FOXK1: variants seen among roughly 807,000 people sequenced by gnomAD.
FOXK1 encodes the protein forkhead box protein K1.
A neutral mutation model predicts 51.9 loss-of-function variants in FOXK1; 19 were observed. That is an observed-to-expected ratio of 0.37 (90% CI 0.26 to 0.54). FOXK1 has a LOEUF of 0.54. Ranked by LOEUF, FOXK1 falls within the 20% of genes least tolerant of loss-of-function variation. The probability of loss-of-function intolerance (pLI) is 0.87; values close to 1 mark genes in which losing one functional copy is unlikely to be tolerated. For synonymous variants in FOXK1, 537 were observed against 482.6 expected, an observed-to-expected ratio of 1.11 and a Z score of -1.48; for missense variants, 870 against 1,032.7, an observed-to-expected ratio of 0.84 and a Z score of 2.16.
intron 1 of FOXK1, among the ~76,000 whole-genome samples, chr7:4,714,974 G>A (rs754766611): frequency 1.3e-5 from 2 of 152,126 alleles, no homozygotes; most frequent in Admixed American, 6.6e-5. Flanking sequence ...TTGTTGTAAC[G>A]TGGTTCTGCA....
intron 1 of FOXK1, among the ~76,000 whole-genome samples, chr7:4,738,295 G>A (rs143631231): frequency 0.057 from 8,650 of 151,608 alleles, 360 homozygotes; most frequent in East Asian, 0.16. Flanking sequence ...AAATTAGCCA[G>A]GCGTGGTGGT....
At chr7:4,705,540 TCTCTCTCTCTCTCTCTCTCG>T (rs1374041391) in intron 1 of FOXK1, among the ~76,000 whole-genome samples, 2 of 127,614 alleles carry the variant, frequency 1.6e-5, no homozygotes, top group South Asian at 2.3e-4. Context: ...TCTCTCTCTC[TCTCTCTCTCTCTCTCTCTCG>T]CTCTCGCTCT....
At chr7:4,684,036 C>T (rs528100322) in intron 1 of FOXK1, among the ~76,000 whole-genome samples, 1 of 152,298 alleles carries the variant, frequency 6.6e-6, no homozygotes, top group East Asian at 1.9e-4. Context: ...CCAGGCCTGT[C>T]GGTGCCTTTG....
chr7:4,697,983 C>A (rs1477244400), intron 1 of FOXK1, among the ~76,000 whole-genome samples: 1 of 152,022 alleles, frequency 6.6e-6, no homozygotes, highest in African/African-American at 2.4e-5. Context: ...CGCCATCATG[C>A]CTGGCTAATT....
At chr7:4,719,094 C>T (rs1780275204) in intron 1 of FOXK1, among the ~76,000 whole-genome samples, 1 of 151,930 alleles carries the variant, frequency 6.6e-6, no homozygotes, top group African/African-American at 2.4e-5. Flanking sequence ...CAGGCATGAG[C>T]CACCACACCC....
At position 4,682,473 on chromosome 7, in the gene FOXK1, GCCGCCA is replaced by G; in HGVS notation, c.171_176del (p.Pro58_Pro59del). On this transcript the variant is annotated inframe_deletion, in exon 1 of 9. Transcript: ENST00000328914. The surrounding 1 kb of genome is among the most constrained non-coding windows in gnomAD (Gnocchi z 7.6). ...AGCCTCCGCCCGGGCCGCCGCCGCC[GCCGCCA>G]CCGCCGCTGCCTCCGGGCGCGATCG... 1 of 987,530 alleles carries G rather than the reference GCCGCCA, an allele frequency of 1.0e-6. No homozygotes were observed. Among genetic ancestry groups the G allele is most frequent in the Non-Finnish European group, 1.2e-6 (1 of 833,338 alleles). The allele number at this position is 987,530 out of a possible 1,614,324, so 61.2% of individuals were successfully genotyped here.
chr7:4,711,102 A>G lies in FOXK1; in HGVS notation c.560+28234A>G, dbSNP rs1024249812. On this transcript the variant is annotated intron_variant, in intron 1 of 8. Coordinates refer to ENST00000328914, the MANE Select transcript of FOXK1 (RefSeq NM_001037165.2). This position sits in a 1 kb window ranked among gnomAD's most constrained non-coding sequence, Gnocchi z 6.3. ...GGCTGTCCATCAGCTGTGCAGGGCC[A>G]AGCTGGGCCTGGATCCTACTTAGTC... Among the ~76,000 whole-genome samples the G allele has an allele frequency of 2.0e-5, 3 of 152,112 alleles. No homozygotes were observed. The highest frequency in any genetic ancestry group is 1.3e-4 in the Admixed American group (2 of 15,268).
Position 4,747,999 on chromosome 7 carries a change from T to A in FOXK1, c.747-6460T>A, listed in dbSNP as rs1780728324. Among the ~76,000 whole-genome samples the A allele has an allele frequency of 6.6e-6, 1 of 152,204 alleles. No individual in the cohort carries two copies. Among genetic ancestry groups the A allele is most frequent in the Non-Finnish European group, 1.5e-5 (1 of 68,036 alleles). On this transcript the variant is annotated intron_variant, in intron 2 of 8. Transcript: ENST00000328914. This position sits in a 1 kb window ranked among gnomAD's most constrained non-coding sequence, Gnocchi z 9.2. ...CAGGAGCAATCCACTAGTTAATTTT[T>A]AAAAATAGCTTCCCAGCATTTTACA...
chr7:4,705,785 C>G (rs1020837260), intron 1 of FOXK1, among the ~76,000 whole-genome samples: 1 of 150,988 alleles, frequency 6.6e-6, no homozygotes. Flanking sequence ...GACCCCCCCC[C>G]GCCTCAGCCT....
chr7:4,760,929 A>T (rs1212215443), intron 7 of FOXK1, 135 bp from the exon 8 acceptor site: 6 of 737,452 alleles, frequency 8.1e-6, no homozygotes, highest in Non-Finnish European at 1.4e-5. Context: ...CACCCATGGG[A>T]TTTTCCTCTA....
intron 2 of FOXK1, among the ~76,000 whole-genome samples, chr7:4,750,710 CT>C (rs539838668): frequency 0.099 from 14,356 of 145,090 alleles, 2,170 homozygotes; most frequent in African/African-American, 0.33. Flanking sequence ...GGTCTCCCAT[CT>C]TTTTTTTTTT....
intron 1 of FOXK1, among the ~76,000 whole-genome samples, chr7:4,697,876 G>A (rs1779973749): frequency 1.3e-5 from 2 of 151,790 alleles, no homozygotes; most frequent in African/African-American, 2.4e-5. Context: ...CCAGACTGGA[G>A]TGCAGTGGCG....
chr7:4,688,776 T>TC lies in FOXK1; in HGVS notation c.560+5913dup, dbSNP rs554144764. ...TGCCAGCATCCATTCACTGTGTCCCTCCCCCTTGTCATTCCTGTAAACTGG... is the reference window on the plus strand; with the variant it reads ...TGCCAGCATCCATTCACTGTGTCCCTCCCCCCTTGTCATTCCTGTAAACTGG... On this transcript the variant is annotated intron_variant, in intron 1 of 8. Transcript: ENST00000328914. Among the ~76,000 whole-genome samples the TC allele has an allele frequency of 4.1e-3, 621 of 152,170 alleles. 5 individuals are homozygous for TC. The highest frequency in any genetic ancestry group is 0.014 in the African/African-American group (589 of 41,508).
At position 4,723,627 on chromosome 7, in the gene FOXK1, A is replaced by G. The variant is rs1780342221; in HGVS notation, c.561-17211A>G. 6.6e-6 allele frequency among the ~76,000 whole-genome samples: 1 copy of G among 152,136 alleles called. No homozygotes were observed. The highest frequency in any genetic ancestry group is 1.5e-5 in the Non-Finnish European group (1 of 68,018). ...CACAGGACCGAGCGTGGAGAGTTGC[A>G]GCAGTGCAGGAAGCTTTTCCTTTCT... On this transcript the variant is annotated intron_variant, in intron 1 of 8. Transcript: ENST00000328914. The surrounding 1 kb of genome is among the most constrained non-coding windows in gnomAD (Gnocchi z 4.7).
In FOXK1 at chr7:4,732,234, T is replaced by TC. The variant is rs1210684005; in HGVS notation, c.561-8604_561-8603insC. Among the ~76,000 whole-genome samples, 311 of 152,362 alleles carry TC rather than the reference T, an allele frequency of 2.0e-3. 4 individuals are homozygous for TC. Among genetic ancestry groups the TC allele is most frequent in the Middle Eastern group, 6.8e-3 (2 of 294 alleles). ...TCATTTGTTCAGTCCACAAGAACTC[T>TC]GATTATGCACCATCATTACCCCAGT... On this transcript the variant is annotated intron_variant, in intron 1 of 8. Coordinates refer to ENST00000328914, the MANE Select transcript of FOXK1 (RefSeq NM_001037165.2).
Position 4,745,139 on chromosome 7 carries a change from G to A in FOXK1, c.746+4116G>A, listed in dbSNP as rs1483815298. Among the ~76,000 whole-genome samples, 4 of 152,216 alleles carry A rather than the reference G, an allele frequency of 2.6e-5. No individual in the cohort carries two copies. Among genetic ancestry groups the A allele is most frequent in the Non-Finnish European group, 5.9e-5 (4 of 68,030 alleles). ...CCCTAACAGATCGGGAGGTGGGAGC[G>A]GGGCCAGGCCAGAAGAGCTGGCTGC... On this transcript the variant is annotated intron_variant, in intron 2 of 8. Transcript: ENST00000328914. The surrounding 1 kb of genome is among the most constrained non-coding windows in gnomAD (Gnocchi z 4.3).
chr7:4,745,472 T>TTGTG lies in FOXK1; in HGVS notation c.746+4463_746+4466dup, dbSNP rs111622709. ...TGGGTATGGGTGTGGGTGTGTGGTT[T>TTGTG]TGTGTGTGTGTGTGTGTTTCTGATT... On this transcript the variant is annotated intron_variant, in intron 2 of 8. Transcript: ENST00000328914. The surrounding 1 kb of genome is among the most constrained non-coding windows in gnomAD (Gnocchi z 4.3). Among the ~76,000 whole-genome samples the TTGTG allele has an allele frequency of 9.5e-4, 143 of 150,594 alleles. 2 individuals are homozygous for TTGTG. The Middle Eastern group carries it at 0.01, about 11-fold the overall frequency.
chr7:4,690,274 A>T (rs530892989), intron 1 of FOXK1, among the ~76,000 whole-genome samples: 24 of 152,318 alleles, frequency 1.6e-4, no homozygotes, highest in African/African-American at 5.5e-4. Flanking sequence ...TTGGAGGGGG[A>T]GCCGCTTCGC....
At chr7:4,726,360 T>C (rs1780381434) in intron 1 of FOXK1, among the ~76,000 whole-genome samples, 2 of 152,112 alleles carry the variant, frequency 1.3e-5, no homozygotes, top group Non-Finnish European at 1.5e-5. Flanking sequence ...TCTGAAAGCG[T>C]TTCCTCCATC....
Sources: gnomAD v4.1 joint callset for allele counts (sites outside exome capture counted in the v4.1 genomes callset) on GRCh38, gnomAD v4.1.1 for gene constraint, Gnocchi (gnomAD v3.1) non-coding constraint, MANE v1.5 for transcripts, NCBI Gene and HGNC (gene_info 2026-07-23, HGNC 2026-07-21) for gene names.